SRRM3: variants seen among roughly 807,000 people sequenced by gnomAD.
The protein encoded by SRRM3 is serine/arginine repetitive matrix 3.
Under a neutral mutation model 66.2 loss-of-function variants are expected in SRRM3, and 27 were observed. The observed-to-expected ratio is 0.41, with a 90% CI of 0.30 to 0.56. The LOEUF is 0.56. Ranked by LOEUF, SRRM3 falls within the 20% of genes least tolerant of loss-of-function variation. The pLI is 0.32. For missense variants in SRRM3, 918 were observed against 991.9 expected (o/e 0.93, Z 1.00); for synonymous variants, 391 against 414.9 (o/e 0.94, Z 0.70).
chr7:76,234,850 G>A (rs906212334), intron 1 of SRRM3, 178 bp from the exon 2 acceptor site: 4 of 555,540 alleles, frequency 7.2e-6, no homozygotes, highest in Non-Finnish European at 9.4e-6. Context: ...ACCCACTCGT[G>A]CCCTGAGGTG....
intron 11 of SRRM3, among the ~76,000 whole-genome samples, chr7:76,271,602 C>A (rs568921019): frequency 6.6e-6 from 1 of 152,280 alleles, no homozygotes; most frequent in Admixed American, 6.5e-5. Flanking sequence ...ATGATTGCGC[C>A]ACTGCACTCC....
intron 1 of SRRM3, among the ~76,000 whole-genome samples, chr7:76,227,829 C>A (rs1463629876): frequency 1.3e-5 from 2 of 152,128 alleles, no homozygotes; most frequent in Non-Finnish European, 2.9e-5. Context: ...GTAATAGGGA[C>A]CTCATTCATC....
At chr7:76,265,837 T>TA (rs782138024) in intron 10 of SRRM3, among the ~76,000 whole-genome samples, 169 of 8,150 alleles carry the variant, frequency 0.021, 2 homozygotes, top group African/African-American at 0.091. Flanking sequence ...TTTATATATA[T>TA]ATATATATAT....
chr7:76,204,523 C>T (rs1439279290), intron 1 of SRRM3, among the ~76,000 whole-genome samples: 5 of 152,208 alleles, frequency 3.3e-5, no homozygotes, highest in African/African-American at 1.2e-4. Context: ...AACCCCACTG[C>T]CTCAGGACCC....
chr7:76,242,946 G>T (rs1190714257), intron 2 of SRRM3, among the ~76,000 whole-genome samples: 4 of 152,120 alleles, frequency 2.6e-5, no homozygotes, highest in African/African-American at 9.7e-5. Flanking sequence ...ATAGGCCACA[G>T]AGTGGTACCC....
rs1259551420 is a variant in SRRM3, at chr7:76,282,659, G to T, written c.1382G>T (p.Arg461Leu). The change falls in exon 13 of 15, where the codon CGG (arginine) becomes CTG (leucine). Residue 461 changes from arginine (R) to leucine (L), a missense_variant. Coordinates refer to ENST00000611745, the MANE Select transcript of SRRM3 (RefSeq NM_001110199.3). Reference sequence around the variant, plus strand: ...TCTCCCTCCTCCAGGGCCAAGGAGCGGCCCCCGCGCGCGCGGCCCGCCAGC... The same window carrying T: ...TCTCCCTCCTCCAGGGCCAAGGAGCTGCCCCCGCGCGCGCGGCCCGCCAGC... ...HGGHGKRAKE[R>L]PPRARPASTS... 3 of 1,400,758 alleles carry T rather than the reference G, an allele frequency of 2.1e-6. No homozygotes were observed. Among genetic ancestry groups the T allele is most frequent in the Non-Finnish European group, 1.8e-6 (2 of 1,083,596 alleles). The allele number at this position is 1,400,758 out of a possible 1,614,324, so 86.8% of individuals were successfully genotyped here.
At chr7:76,284,903 A>G (rs907170396) in intron 14 of SRRM3, among the ~76,000 whole-genome samples, 39 of 152,156 alleles carry the variant, frequency 2.6e-4, no homozygotes, top group African/African-American at 8.7e-4. Flanking sequence ...AGCAGCGGCC[A>G]GGACTCCCCT....
chr7:76,261,316 C>T, intron 6 of SRRM3, 36 bp from the exon 7 acceptor site: 1 of 426,566 alleles, frequency 2.3e-6, no homozygotes, highest in Non-Finnish European at 4.3e-6. Context: ...CACCCCCCAC[C>T]CCAGCTCACT....
chr7:76,276,089 T>A (rs992203431), intron 11 of SRRM3, among the ~76,000 whole-genome samples: 3 of 150,624 alleles, frequency 2.0e-5, no homozygotes, highest in Non-Finnish European at 4.4e-5. Context: ...TCAAAAAATA[T>A]ATATATATAT....
chr7:76,220,890 C>T (rs773132848), intron 1 of SRRM3, among the ~76,000 whole-genome samples: 3 of 152,030 alleles, frequency 2.0e-5, no homozygotes, highest in Non-Finnish European at 2.9e-5. Flanking sequence ...TCAGCAGTTC[C>T]CCTCCCCCCA....
chr7:76,256,515 A>G (rs1350101258), intron 3 of SRRM3, among the ~76,000 whole-genome samples: 1 of 151,904 alleles, frequency 6.6e-6, no homozygotes, highest in Non-Finnish European at 1.5e-5. Context: ...TTAAAAAAAA[A>G]AAAGAATGGC....
At chr7:76,265,308 G>T in intron 9 of SRRM3, 56 bp from the exon 10 acceptor site, 1 of 1,396,630 alleles carries the variant, frequency 7.2e-7, no homozygotes, top group Non-Finnish European at 9.9e-7. Flanking sequence ...TTGGGGGCTG[G>T]GGGGATCACG....
chr7:76,234,749 A>G (rs548766850), intron 1 of SRRM3, among the ~76,000 whole-genome samples: 2 of 152,206 alleles, frequency 1.3e-5, no homozygotes, highest in South Asian at 4.1e-4. Flanking sequence ...TAGTTCCTGG[A>G]GGTGACACGA....
At chr7:76,274,501 C>T (rs1051700285) in intron 11 of SRRM3, among the ~76,000 whole-genome samples, 2 of 152,208 alleles carry the variant, frequency 1.3e-5, no homozygotes, top group Non-Finnish European at 2.9e-5. Context: ...TTTACCTGCC[C>T]GCTGCCTGGT....
chr7:76,267,245 C>A lies in SRRM3; in HGVS notation c.831-13C>A. On this transcript the variant is annotated splice_polypyrimidine_tract_variant and intron_variant, in intron 10 of 14. Transcript: ENST00000611745. Reference sequence around the variant, plus strand: ...ACGCCGACTCCCCCATTCTTCCTGGCGCCTAACCCCAGGCTGAGCCCCAAG... The same window carrying A: ...ACGCCGACTCCCCCATTCTTCCTGGAGCCTAACCCCAGGCTGAGCCCCAAG... The A allele has an allele frequency of 6.6e-7, 1 of 1,526,194 alleles. No individual in the cohort carries two copies. The highest frequency in any genetic ancestry group is 8.7e-7 in the Non-Finnish European group (1 of 1,143,776). 94.5% of individuals were successfully genotyped at this position (1,526,194 alleles called of 1,614,324 possible).
At chr7:76,243,306 C>T (rs1554605814) in intron 2 of SRRM3, among the ~76,000 whole-genome samples, 1 of 152,142 alleles carries the variant, frequency 6.6e-6, no homozygotes, top group African/African-American at 2.4e-5. Context: ...TCCCAAGTGG[C>T]TCAGCTGAGA....
Position 76,267,156 on chromosome 7 carries a change from T to C in SRRM3, c.831-102T>C, listed in dbSNP as rs569394919. 10 of 1,127,280 alleles carry C rather than the reference T, an allele frequency of 8.9e-6. No individual in the cohort carries two copies. In the East Asian group the frequency reaches 2.3e-4, roughly 25 times the overall value. The allele number at this position is 1,127,280 out of a possible 1,614,324, so 69.8% of individuals were successfully genotyped here. ...GGTGAAAAGGCAGGTGGAGGGCTGC[T>C]CTCTTTCCCCGTGCTGGGGAAGGGG... is the stretch of plus-strand genomic sequence containing the variant. On this transcript the variant is annotated intron_variant, in intron 10 of 14. Coordinates refer to ENST00000611745, the MANE Select transcript of SRRM3 (RefSeq NM_001110199.3).
chr7:76,223,220 G>A (rs914613827), intron 1 of SRRM3, among the ~76,000 whole-genome samples: 1 of 152,148 alleles, frequency 6.6e-6, no homozygotes, highest in South Asian at 2.1e-4. Flanking sequence ...CTGAATGAAT[G>A]ACCCAACCCT....
intron 12 of SRRM3, 64 bp from the exon 13 acceptor site, chr7:76,282,584 C>CA: frequency 3.5e-6 from 3 of 868,338 alleles, no homozygotes; most frequent in South Asian, 2.2e-5. Context: ...CCAGGGAACC[C>CA]TCCCCGCCCC....
Sources: gnomAD v4.1 joint callset for allele counts (sites outside exome capture counted in the v4.1 genomes callset) on GRCh38, gnomAD v4.1.1 for gene constraint, MANE v1.5 for transcripts, NCBI Gene and HGNC (gene_info 2026-07-23, HGNC 2026-07-21) for gene names.